FAM83B: variants seen among roughly 807,000 people sequenced by gnomAD.
FAM83B encodes the protein scaffolding CK1 anchoring protein B, also known as protein FAM83B.
A neutral mutation model predicts 38.8 loss-of-function variants in FAM83B; 26 were observed. The observed-to-expected ratio is 0.67, with a 90% confidence interval of 0.49 to 0.93. FAM83B has a LOEUF of 0.93. Among genes scored for constraint, FAM83B ranks in the 40% least tolerant of loss-of-function variants. The probability of loss-of-function intolerance (pLI) is 0.00; values close to 1 mark genes in which losing one functional copy is unlikely to be tolerated. For synonymous variants in FAM83B, 419 were observed against 423.1 expected, an observed-to-expected ratio of 0.99 and a Z score of 0.12; for missense variants, 1,237 against 1,197.3, an observed-to-expected ratio of 1.03 and a Z score of -0.49.
At chr6:54,902,163 G>T (rs1417023202) in intron 2 of FAM83B, among the ~76,000 whole-genome samples, 1 of 152,120 alleles carries the variant, frequency 6.6e-6, no homozygotes, top group Non-Finnish European at 1.5e-5. Context: ...TCCATGATCT[G>T]ACTCCAAAAA....
chr6:54,907,902 A>G (rs780769491), intron 2 of FAM83B, among the ~76,000 whole-genome samples: 2 of 152,122 alleles, frequency 1.3e-5, no homozygotes, highest in Admixed American at 6.6e-5. Flanking sequence ...ATAAGTTACT[A>G]TATGATTTTT....
At position 54,917,260 on chromosome 6, in the gene FAM83B, C is replaced by T. The variant is rs147394770; in HGVS notation, c.445-9111C>T. Among the ~76,000 whole-genome samples the T allele has an allele frequency of 8.5e-5, 13 of 152,224 alleles. No homozygotes were observed. In the East Asian group the frequency reaches 2.5e-3, roughly 29 times the overall value. ...TAACTACCTTAGAAACTAGGTGTAA[C>T]AGAGTAAATACTCTCAGGCTGTGTG... On this transcript the variant is annotated intron_variant, in intron 2 of 4. Transcript: ENST00000306858.
chr6:54,936,851 T>A (rs1031513277), intron 4 of FAM83B, among the ~76,000 whole-genome samples: 1 of 150,934 alleles, frequency 6.6e-6, no homozygotes, highest in Admixed American at 6.7e-5. Flanking sequence ...TTTGAATTCA[T>A]ACCTTTAGTC....
chr6:54,930,546 T>C (rs1326043341), intron 4 of FAM83B, among the ~76,000 whole-genome samples: 1 of 152,122 alleles, frequency 6.6e-6, no homozygotes, highest in Non-Finnish European at 1.5e-5. Context: ...AAAAAATTTA[T>C]AATTCTAAGT....
chr6:54,940,524 A>T lies in FAM83B; in HGVS notation c.1553A>T (p.Asp518Val), dbSNP rs1773649188. Residue 518 changes from aspartate (D) to valine (V), a missense_variant, in exon 5 of 5, where the codon GAC (aspartate) becomes GTC (valine). Coordinates refer to ENST00000306858, the MANE Select transcript of FAM83B (RefSeq NM_001010872.3). The stretch of plus-strand genomic sequence containing the variant: ...GACTCAAATGGATCAGCTTTAGGTG[A>T]CCGATTTGAGGGCTATGATAATCCT... Reference protein sequence around the residue: ...TPDSNGSALGDRFEGYDNPEN... With the variant: ...TPDSNGSALGVRFEGYDNPEN... 1.2e-6 allele frequency: 2 copies of T among 1,613,962 alleles called. No homozygotes were observed. The highest frequency in any genetic ancestry group is 3.3e-5 in the Admixed American group (2 of 59,960).
At chr6:54,883,178 T>C (rs561830393) in intron 2 of FAM83B, among the ~76,000 whole-genome samples, 9 of 152,018 alleles carry the variant, frequency 5.9e-5, no homozygotes, top group South Asian at 4.2e-4. Flanking sequence ...CTCCTGACCT[T>C]GTGATCCGCC....
rs1341998548 is a variant in FAM83B at position 54,943,492 on chromosome 6, G to T, written c.*1485G>T. 1.3e-5 allele frequency: 2 copies of T among 152,026 alleles called. No individual in the cohort carries two copies. Among genetic ancestry groups the T allele is most frequent in the Non-Finnish European group, 2.9e-5 (2 of 68,016 alleles). The allele number at this position is 152,026 out of a possible 1,614,324, so 9.4% of individuals were successfully genotyped here. A position where few individuals can be genotyped will look rare whatever the true frequency, so the allele number is the denominator to read the frequency against. On this transcript the variant is annotated 3_prime_UTR_variant, in exon 5 of 5. Coordinates refer to ENST00000306858, the MANE Select transcript of FAM83B (RefSeq NM_001010872.3). ...TTAATATATTCTAAGTTGCTGTGTGGAGCAGTATACTGTTGTTTTAAAAAT... is the reference window on the plus strand; with the variant it reads ...TTAATATATTCTAAGTTGCTGTGTGTAGCAGTATACTGTTGTTTTAAAAAT...
intron 4 of FAM83B, among the ~76,000 whole-genome samples, chr6:54,932,364 A>G (rs962491188): frequency 3.0e-4 from 45 of 152,190 alleles, no homozygotes; most frequent in Admixed American, 3.9e-4. Context: ...GATAACTTCA[A>G]TCACATATGA....
At chr6:54,938,812 GCTGT>G (rs1364456328) in intron 4 of FAM83B, among the ~76,000 whole-genome samples, 2 of 152,034 alleles carry the variant, frequency 1.3e-5, no homozygotes, top group African/African-American at 2.4e-5. Context: ...CACTCTGTGG[GCTGT>G]CTGTTTACTC....
In FAM83B at chr6:54,858,249, T is replaced by C. The variant is rs115960892; in HGVS notation, c.-61+11423T>C. 1.7e-3 allele frequency among the ~76,000 whole-genome samples: 256 copies of C among 152,300 alleles called. 1 individual carries two copies. Among genetic ancestry groups the C allele is most frequent in the African/African-American group, 5.6e-3 (232 of 41,572 alleles). On this transcript the variant is annotated intron_variant, in intron 1 of 4. Transcript: ENST00000306858. ...TCTCAGCAATGATTTTCAGATACCA[T>C]TGGCACTAACAATAGTCACTATTTA...
rs184154151 is a variant in FAM83B at position 54,941,465 on chromosome 6, C to T, written c.2494C>T (p.His832Tyr). 20 of 1,613,710 alleles carry T rather than the reference C, an allele frequency of 1.2e-5. No individual in the cohort carries two copies. The East Asian group carries it at 3.3e-4, about 27-fold the overall frequency. The change falls in exon 5 of 5, where the codon CAT becomes TAT. Residue 832 changes from histidine to tyrosine, a missense_variant. Transcript: ENST00000306858. ...AGTTGATTCATCTCCTAGAAGAAAG[C>T]ATTCTTCCTCATCGAATTCTCAAGG... ...TKVDSSPRRK[H>Y]SSSSNSQGSI...
At chr6:54,932,287 C>T (rs1266790431) in intron 4 of FAM83B, among the ~76,000 whole-genome samples, 2 of 152,136 alleles carry the variant, frequency 1.3e-5, no homozygotes, top group African/African-American at 2.4e-5. Context: ...GCTGGGATTA[C>T]AGGCGTAAGC....
intron 2 of FAM83B, among the ~76,000 whole-genome samples, chr6:54,919,380 C>T (rs948053619): frequency 6.6e-5 from 10 of 152,054 alleles, no homozygotes; most frequent in Non-Finnish European, 1.5e-4. Flanking sequence ...ATAATGTATG[C>T]AGATTCCCTT....
chr6:54,945,092 A>C lies in FAM83B; in HGVS notation c.*3085A>C, dbSNP rs2127592840. On this transcript the variant is annotated 3_prime_UTR_variant, in exon 5 of 5. Transcript: ENST00000306858. ...AATGAATAATAAATAATTTTGTACA[A>C]ACATCAATATATTGTAAGCTATTGT... 1 of 152,300 alleles carries C rather than the reference A, an allele frequency of 6.6e-6. No homozygotes were observed. Among genetic ancestry groups the C allele is most frequent in the South Asian group, 2.1e-4 (1 of 4,832 alleles). 9.4% of individuals were successfully genotyped at this position (152,300 alleles called of 1,614,324 possible).
intron 4 of FAM83B, among the ~76,000 whole-genome samples, chr6:54,936,281 C>T (rs1224915515): frequency 7.2e-5 from 11 of 152,088 alleles, no homozygotes; most frequent in Non-Finnish European, 1.6e-4. Context: ...TCACCAACAC[C>T]GTATCTTCTT....
chr6:54,892,114 G>A (rs1419686388), intron 2 of FAM83B, among the ~76,000 whole-genome samples: 1 of 152,132 alleles, frequency 6.6e-6, no homozygotes, highest in Admixed American at 6.5e-5. Flanking sequence ...TATTCCTGTA[G>A]CCACTTGCCT....
intron 1 of FAM83B, among the ~76,000 whole-genome samples, chr6:54,848,795 G>A (rs1253832377): frequency 6.6e-6 from 1 of 152,122 alleles, no homozygotes; most frequent in Non-Finnish European, 1.5e-5. Context: ...TCCCATCAAA[G>A]CGGGACTCTT....
intron 1 of FAM83B, among the ~76,000 whole-genome samples, chr6:54,864,438 A>C (rs944750592): frequency 3.2e-4 from 49 of 152,154 alleles, no homozygotes; most frequent in African/African-American, 1.1e-3. Context: ...GTTTGCACCC[A>C]ACACCCTGTG....
chr6:54,859,372 A>G (rs1422105123), intron 1 of FAM83B, among the ~76,000 whole-genome samples: 1 of 151,950 alleles, frequency 6.6e-6, no homozygotes, highest in Non-Finnish European at 1.5e-5. Context: ...GGGTATTATG[A>G]TTTTTTTTAA....
Sources: gnomAD v4.1 joint callset for allele counts (sites outside exome capture counted in the v4.1 genomes callset) on GRCh38, gnomAD v4.1.1 for gene constraint, MANE v1.5 for transcripts, NCBI Gene and HGNC (gene_info 2026-07-23, HGNC 2026-07-21) for gene names.